The following COL23A1 variants were observed in gnomAD, a reference collection of about 807,000 sequenced individuals.
COL23A1 encodes the protein collagen type XXIII alpha 1 chain.
In COL23A1, 97 loss-of-function variants were observed where a neutral mutation model predicts 99.3. That is an observed-to-expected ratio of 0.98 (90% confidence interval 0.83 to 1.16). The LOEUF is 1.16. Ranked by LOEUF, COL23A1 falls within the 50% of genes most tolerant of loss-of-function variation. The pLI is 0.00. For missense variants in COL23A1, 762 were observed against 757.4 expected, an observed-to-expected ratio of 1.01 and a Z score of -0.07; for synonymous variants, 320 against 308.2, an observed-to-expected ratio of 1.04 and a Z score of -0.40.
At chr5:178,251,169 C>A (rs115066828) in intron 17 of COL23A1, among the ~76,000 whole-genome samples, 1 of 151,672 alleles carries the variant, frequency 6.6e-6, no homozygotes, top group Non-Finnish European at 1.5e-5. Flanking sequence ...ATTACAAGTG[C>A]GCACAACCAC....
chr5:178,433,633 C>T (rs1183440007), intron 2 of COL23A1, among the ~76,000 whole-genome samples: 4 of 152,132 alleles, frequency 2.6e-5, no homozygotes, highest in Non-Finnish European at 5.9e-5. Context: ...CCACCAGTCA[C>T]GTCATTACAT....
At chr5:178,512,600 A>C (rs1168037902) in intron 2 of COL23A1, among the ~76,000 whole-genome samples, 1 of 152,142 alleles carries the variant, frequency 6.6e-6, no homozygotes, top group African/African-American at 2.4e-5. Context: ...TTCTAAAGTG[A>C]ATCTTGAAGG....
chr5:178,441,223 C>T (rs1766846973), intron 2 of COL23A1, among the ~76,000 whole-genome samples: 1 of 152,174 alleles, frequency 6.6e-6, no homozygotes, highest in Non-Finnish European at 1.5e-5. Flanking sequence ...CTTTAAAAAG[C>T]TGTTTGTTGG....
intron 2 of COL23A1, among the ~76,000 whole-genome samples, chr5:178,554,540 TGACTGGGCCAGCCGTCACC>T (rs1386152271): frequency 6.6e-6 from 1 of 152,100 alleles, no homozygotes; most frequent in Non-Finnish European, 1.5e-5. Flanking sequence ...CACCTGGCGG[TGACTGGGCCAGCCGTCACC>T]GGAAGAGTCT....
chr5:178,572,739 G>A (rs1763170344), intron 1 of COL23A1, among the ~76,000 whole-genome samples: 1 of 152,174 alleles, frequency 6.6e-6, no homozygotes, highest in Non-Finnish European at 1.5e-5. Flanking sequence ...ACCCATAGCA[G>A]CTTTATTTAC....
At position 178,280,690 on chromosome 5, in the gene COL23A1, G is replaced by C. The variant is rs1251070144; in HGVS notation, c.441+7634C>G. On this transcript the variant is annotated intron_variant, in intron 5 of 28. Transcript: ENST00000390654. This position sits in a 1 kb window ranked among gnomAD's most constrained non-coding sequence, Gnocchi z 4.9. Reference sequence around the variant, plus strand: ...CCTGGGGAAGTGGGAGGCGGTTCCAGCCAGTGACCACGCTGCAAACATATC... The same window carrying C: ...CCTGGGGAAGTGGGAGGCGGTTCCACCCAGTGACCACGCTGCAAACATATC... Among the ~76,000 whole-genome samples, 1 of 152,168 alleles carries C rather than the reference G, an allele frequency of 6.6e-6. No individual in the cohort carries two copies. The highest frequency in any genetic ancestry group is 2.4e-5 in the African/African-American group (1 of 41,444).
chr5:178,579,492 C>T (rs549456821), intron 1 of COL23A1, among the ~76,000 whole-genome samples: 16 of 152,224 alleles, frequency 1.1e-4, no homozygotes, highest in African/African-American at 3.6e-4. Context: ...CTTGCTCTGT[C>T]GCCCAGGATA....
In COL23A1 at chr5:178,343,233, A is replaced by G. The variant is rs538543690; in HGVS notation, c.362-36314T>C. Reference sequence around the variant, plus strand: ...AGGGTGATCAGATTCCGAAGCGAAGACTGTTTCCCGCCTCCACCCCCATCA... The same window carrying G: ...AGGGTGATCAGATTCCGAAGCGAAGGCTGTTTCCCGCCTCCACCCCCATCA... On this transcript the variant is annotated intron_variant, in intron 2 of 28. Coordinates refer to ENST00000390654, the MANE Select transcript of COL23A1 (RefSeq NM_173465.4). 5.3e-5 allele frequency among the ~76,000 whole-genome samples: 8 copies of G among 152,296 alleles called. No homozygotes were observed. In the East Asian group the frequency reaches 1.5e-3, roughly 29 times the overall value.
rs534580554 is a variant in COL23A1 at position 178,340,350 on chromosome 5, C to T, written c.362-33431G>A. 2.6e-4 allele frequency among the ~76,000 whole-genome samples: 40 copies of T among 152,288 alleles called. No individual in the cohort carries two copies. Among genetic ancestry groups the T allele is most frequent in the African/African-American group, 8.4e-4 (35 of 41,558 alleles). ...AGAACAGCTTTGCTGGTGGCTCCAG[C>T]GCAGGAGGGGTAGAAGGGGAAATAA... On this transcript the variant is annotated intron_variant, in intron 2 of 28. Coordinates refer to ENST00000390654, the MANE Select transcript of COL23A1 (RefSeq NM_173465.4). The surrounding 1 kb of genome is among the most constrained non-coding windows in gnomAD (Gnocchi z 4.7).
intron 2 of COL23A1, among the ~76,000 whole-genome samples, chr5:178,449,197 T>A (rs1263570094): frequency 6.6e-6 from 1 of 152,164 alleles, no homozygotes; most frequent in African/African-American, 2.4e-5. Context: ...CTAAGTTATC[T>A]TTGTTATGGC....
At chr5:178,536,403 T>G (rs1048705354) in intron 2 of COL23A1, among the ~76,000 whole-genome samples, 2 of 152,258 alleles carry the variant, frequency 1.3e-5, no homozygotes, top group Non-Finnish European at 2.9e-5. Context: ...TTCCTCGCTA[T>G]GCTCACAAAA....
At chr5:178,352,505 T>A (rs756725883) in intron 2 of COL23A1, among the ~76,000 whole-genome samples, 1 of 152,216 alleles carries the variant, frequency 6.6e-6, no homozygotes, top group African/African-American at 2.4e-5. Context: ...GAGCAACAGT[T>A]CATTGTAAAG....
chr5:178,303,154 C>T lies in COL23A1; in HGVS notation c.406+3721G>A, dbSNP rs1758165280. On this transcript the variant is annotated intron_variant, in intron 3 of 28. Coordinates refer to ENST00000390654, the MANE Select transcript of COL23A1 (RefSeq NM_173465.4). ...AGCTGGGACTACAGGTATGCACCAC[C>T]ATGCCTGGCTAATTTTTGTATTTTT... Among the ~76,000 whole-genome samples the T allele has an allele frequency of 7.9e-5, 12 of 152,158 alleles. 1 individual carries two copies. The South Asian group carries it at 2.5e-3, about 32-fold the overall frequency.
intron 2 of COL23A1, among the ~76,000 whole-genome samples, chr5:178,315,617 C>T (rs72820911): frequency 0.074 from 11,179 of 152,010 alleles, 488 homozygotes; most frequent in East Asian, 0.15. Flanking sequence ...ACAAGAAGGA[C>T]GGGAAGGGGC....
intron 2 of COL23A1, among the ~76,000 whole-genome samples, chr5:178,324,444 T>C (rs1759524784): frequency 6.6e-6 from 1 of 152,186 alleles, no homozygotes; most frequent in South Asian, 2.1e-4. Flanking sequence ...AGACCCATTC[T>C]GGGTTCATCA....
intron 2 of COL23A1, among the ~76,000 whole-genome samples, chr5:178,336,770 C>T (rs1175273579): frequency 3.9e-5 from 6 of 152,188 alleles, no homozygotes; most frequent in South Asian, 4.1e-4. Context: ...GCTAATAGTT[C>T]GTCTTCCTTT....
At chr5:178,269,587 CATCA>C (rs1756154836) in intron 6 of COL23A1, among the ~76,000 whole-genome samples, 2 of 125,938 alleles carry the variant, frequency 1.6e-5, no homozygotes, top group African/African-American at 7.0e-5. Flanking sequence ...CCCACTCATC[CATCA>C]ATCCATCCAT....
chr5:178,287,267 C>A (rs79054235), intron 5 of COL23A1, among the ~76,000 whole-genome samples: 2,208 of 152,324 alleles, frequency 0.014, 23 homozygotes, highest in Middle Eastern at 0.058. Context: ...CCAGGCTGCT[C>A]ATTGCTGGGG....
chr5:178,484,561 C>G (rs191757110), intron 2 of COL23A1, among the ~76,000 whole-genome samples: 1 of 151,950 alleles, frequency 6.6e-6, no homozygotes, highest in African/African-American at 2.4e-5. Flanking sequence ...TGGTGGCTCA[C>G]GCCTGTAATC....
Sources: gnomAD v4.1 joint callset for allele counts (sites outside exome capture counted in the v4.1 genomes callset) on GRCh38, gnomAD v4.1.1 for gene constraint, Gnocchi (gnomAD v3.1) non-coding constraint, MANE v1.5 for transcripts, NCBI Gene and HGNC (gene_info 2026-07-23, HGNC 2026-07-21) for gene names.